CCDC178: variants seen among roughly 807,000 people sequenced by gnomAD.
The protein encoded by CCDC178 is coiled-coil domain containing 178.
Under a neutral mutation model 117.4 loss-of-function variants are expected in CCDC178, and 126 were observed. The observed-to-expected ratio is 1.07, with a 90% CI of 0.93 to 1.24. CCDC178 has a LOEUF of 1.24. Ranked by LOEUF, CCDC178 falls within the 50% of genes most tolerant of loss-of-function variation. The probability of loss-of-function intolerance (pLI) is 0.00; values close to 1 mark genes in which losing one functional copy is unlikely to be tolerated. For missense variants in CCDC178, 1,030 were observed against 986.9 expected (o/e 1.04, Z -0.59); for synonymous variants, 283 against 313.4 (o/e 0.90, Z 1.02).
chr18:32,979,239 A>G (rs2055094011), intron 21 of CCDC178, among the ~76,000 whole-genome samples: 1 of 151,678 alleles, frequency 6.6e-6, no homozygotes, highest in South Asian at 2.1e-4. Flanking sequence ...TCGCTGCAAC[A>G]TTGCTTCCTG....
intron 21 of CCDC178, among the ~76,000 whole-genome samples, chr18:33,088,382 A>C (rs1326070102): frequency 6.6e-6 from 1 of 152,066 alleles, no homozygotes; most frequent in Non-Finnish European, 1.5e-5. Flanking sequence ...GAAATAATGG[A>C]TATCTTAACA....
At chr18:33,324,874 A>G in intron 10 of CCDC178, among the ~76,000 whole-genome samples, 1 of 152,022 alleles carries the variant, frequency 6.6e-6, no homozygotes, top group East Asian at 1.9e-4. Context: ...ATTTTTAACT[A>G]TTTATTGAAA....
At chr18:33,132,576 TA>T (rs1270464303) in intron 20 of CCDC178, among the ~76,000 whole-genome samples, 4 of 151,778 alleles carry the variant, frequency 2.6e-5, no homozygotes, top group African/African-American at 9.7e-5. Context: ...AAAGGTAATT[TA>T]AAAGAATCTG....
chr18:33,379,807 T>C (rs1235540024), intron 5 of CCDC178, among the ~76,000 whole-genome samples: 1 of 152,052 alleles, frequency 6.6e-6, no homozygotes, highest in Non-Finnish European at 1.5e-5. Context: ...CTGTTCCAGG[T>C]GAGTGGGTGC....
At chr18:33,281,542 T>C (rs898222526) in intron 12 of CCDC178, among the ~76,000 whole-genome samples, 19 of 152,090 alleles carry the variant, frequency 1.2e-4, no homozygotes, top group Non-Finnish European at 2.5e-4. Flanking sequence ...TAGTACAAAA[T>C]TGTGAACCAG....
intron 20 of CCDC178, among the ~76,000 whole-genome samples, chr18:33,138,436 G>A (rs528380719): frequency 7.9e-4 from 120 of 152,118 alleles, no homozygotes; most frequent in South Asian, 2.5e-3. Context: ...CAGTCTTTTC[G>A]TCAGTGCCGC....
chr18:33,148,441 C>A (rs76666885), intron 20 of CCDC178, among the ~76,000 whole-genome samples: 1 of 147,026 alleles, frequency 6.8e-6, no homozygotes, highest in African/African-American at 2.5e-5. Context: ...AGAGGGAGAC[C>A]GTGGGGAGAG....
intron 20 of CCDC178, among the ~76,000 whole-genome samples, chr18:33,132,363 T>C (rs1406320684): frequency 6.6e-6 from 1 of 151,774 alleles, no homozygotes; most frequent in East Asian, 1.9e-4. Context: ...TTATGCACTA[T>C]TGAAAGCAAA....
intron 21 of CCDC178, among the ~76,000 whole-genome samples, chr18:33,056,352 C>T (rs1196247139): frequency 6.6e-6 from 1 of 152,162 alleles, no homozygotes; most frequent in African/African-American, 2.4e-5. Context: ...TTGTATAATA[C>T]AATTTGTTTC....
chr18:33,271,699 C>T (rs1190011907), intron 12 of CCDC178, among the ~76,000 whole-genome samples: 1 of 151,384 alleles, frequency 6.6e-6, no homozygotes, highest in African/African-American at 2.4e-5. Context: ...TGACTGAAGT[C>T]ATGCAAAGTG....
chr18:33,370,268 T>C, intron 5 of CCDC178, 79 bp from the exon 6 acceptor site: 1 of 1,055,408 alleles, frequency 9.5e-7, no homozygotes, highest in Non-Finnish European at 1.3e-6. Context: ...GCAAAAAAAT[T>C]CTGCTTTATT....
chr18:33,265,265 A>ACT (rs112753989), intron 14 of CCDC178, among the ~76,000 whole-genome samples: 10,224 of 152,038 alleles, frequency 0.067, 509 homozygotes, highest in African/African-American at 0.14. Context: ...TATGTGTCAG[A>ACT]CTCTGCTATA....
intron 22 of CCDC178, among the ~76,000 whole-genome samples, chr18:32,941,457 A>G (rs973553521): frequency 6.6e-6 from 1 of 152,118 alleles, no homozygotes; most frequent in Admixed American, 6.6e-5. Context: ...TTGTTTGGAA[A>G]GAGGAGCCCA....
intron 6 of CCDC178, among the ~76,000 whole-genome samples, chr18:33,360,812 A>G (rs978727590): frequency 6.6e-6 from 1 of 151,672 alleles, no homozygotes; most frequent in African/African-American, 2.4e-5. Flanking sequence ...TTTGCACACT[A>G]AAACTATAAA....
chr18:33,277,820 T>C (rs2059968366), intron 12 of CCDC178, among the ~76,000 whole-genome samples: 1 of 152,102 alleles, frequency 6.6e-6, no homozygotes, highest in Admixed American at 6.6e-5. Flanking sequence ...GTAATTACCA[T>C]TACAATCCAG....
chr18:33,268,599 C>A (rs1381507176), intron 12 of CCDC178, among the ~76,000 whole-genome samples: 2 of 151,730 alleles, frequency 1.3e-5, no homozygotes, highest in Non-Finnish European at 2.9e-5. Flanking sequence ...ACCAAGAGAT[C>A]TGTTGATGGG....
intron 20 of CCDC178, among the ~76,000 whole-genome samples, chr18:33,172,259 AATAT>A (rs1489812447): frequency 7.2e-5 from 11 of 152,216 alleles, no homozygotes; most frequent in Admixed American, 5.2e-4. Flanking sequence ...CCTTTTTCTG[AATAT>A]ACCTGTCCTT....
chr18:32,989,640 T>G (rs948282645), intron 21 of CCDC178, among the ~76,000 whole-genome samples: 1 of 152,176 alleles, frequency 6.6e-6, no homozygotes, highest in Non-Finnish European at 1.5e-5. Flanking sequence ...ATGTCATATA[T>G]TTTCATGTGT....
At chr18:33,438,230 T>C (rs1341250826) in intron 2 of CCDC178, among the ~76,000 whole-genome samples, 1 of 152,008 alleles carries the variant, frequency 6.6e-6, no homozygotes, top group Non-Finnish European at 1.5e-5. Flanking sequence ...CCAGATAAGA[T>C]CCTCAGACCA....
Sources: gnomAD v4.1 joint callset for allele counts (sites outside exome capture counted in the v4.1 genomes callset) on GRCh38, gnomAD v4.1.1 for gene constraint, MANE v1.5 for transcripts, NCBI Gene and HGNC (gene_info 2026-07-23, HGNC 2026-07-21) for gene names.